Variants in ELP3 observed in about 807,000 individuals in gnomAD.
ELP3 encodes elongator complex protein 3.
ELP3 carries 56 observed loss-of-function variants against 74.9 expected under a neutral mutation model. That is an observed-to-expected ratio of 0.75 (90% CI 0.60 to 0.93). ELP3 has a LOEUF of 0.93. Among genes scored for constraint, ELP3 ranks in the 40% least tolerant of loss-of-function variants. The probability of loss-of-function intolerance (pLI) is 0.00; values close to 1 mark genes in which losing one functional copy is unlikely to be tolerated. For missense variants in ELP3, 573 were observed against 686.5 expected (o/e 0.83, Z 1.85); for synonymous variants, 222 against 239.8 (o/e 0.93, Z 0.68).
chr8:28,106,322 C>T (rs1314234865), intron 3 of ELP3, among the ~76,000 whole-genome samples: 1 of 151,814 alleles, frequency 6.6e-6, no homozygotes, highest in Non-Finnish European at 1.5e-5. Flanking sequence ...GGGCGGATCA[C>T]GAGGTCAGGA....
intron 9 of ELP3, among the ~76,000 whole-genome samples, chr8:28,134,237 C>T (rs1180127990): frequency 6.6e-6 from 1 of 152,138 alleles, no homozygotes. Flanking sequence ...TTAAGTGCTC[C>T]TGAAAAATAT....
At chr8:28,137,659 T>A (rs1293329989) in intron 9 of ELP3, 39 bp from the exon 10 acceptor site, 3 of 1,594,514 alleles carry the variant, frequency 1.9e-6, no homozygotes, top group Non-Finnish European at 2.6e-6. Flanking sequence ...GATCTCTGCA[T>A]AACTAATGGA....
rs886435550 is a variant in ELP3 at position 28,162,133 on chromosome 8, C to G, written c.1567+55C>G. The G allele has an allele frequency of 6.9e-5, 107 of 1,561,622 alleles. 2 individuals are homozygous for G. The Middle Eastern group carries it at 6.7e-3, about 98-fold the overall frequency. ...CCTTCCCATTTTGAACTTGGCACCACAGTGAAAACTATGTTGGTACCCTCT... is the reference window on the plus strand; with the variant it reads ...CCTTCCCATTTTGAACTTGGCACCAGAGTGAAAACTATGTTGGTACCCTCT... On this transcript the variant is annotated intron_variant, in intron 14 of 14. Coordinates refer to ENST00000256398, the MANE Select transcript of ELP3 (RefSeq NM_018091.6).
intron 12 of ELP3, among the ~76,000 whole-genome samples, chr8:28,159,607 C>G (rs919059403): frequency 7.2e-5 from 11 of 152,272 alleles, no homozygotes; most frequent in African/African-American, 2.6e-4. Context: ...AGCTGAAGAG[C>G]CAAAAGCCTG....
At chr8:28,113,601 A>ATCTTAG (rs1382054728) in intron 7 of ELP3, 2 of 152,738 alleles carry the variant, frequency 1.3e-5, no homozygotes, top group East Asian at 3.8e-4. Flanking sequence ...TATGATTGGG[A>ATCTTAG]TCTTAGTCTG....
At chr8:28,108,327 C>T (rs1356793620) in intron 5 of ELP3, among the ~76,000 whole-genome samples, 1 of 152,172 alleles carries the variant, frequency 6.6e-6, no homozygotes, top group Non-Finnish European at 1.5e-5. Flanking sequence ...ACAGCTGGCC[C>T]AAAGACACAC....
Position 28,160,326 on chromosome 8 carries a change from G to T in ELP3, c.1355G>T (p.Arg452Leu). 1.2e-6 allele frequency: 2 copies of T among 1,614,144 alleles called. No individual in the cohort carries two copies. Among genetic ancestry groups the T allele is most frequent in the Non-Finnish European group, 1.7e-6 (2 of 1,180,016 alleles). ...CAAGACATTTTGATTGGCCTCCTACGATTACGCAAGTGTTCAGAAGAAACT... is the reference window on the plus strand; with the variant it reads ...CAAGACATTTTGATTGGCCTCCTACTATTACGCAAGTGTTCAGAAGAAACT... ...PDQDILIGLL[R>L]LRKCSEETFR... The change falls in exon 13 of 15, where the codon CGA (arginine) becomes CTA (leucine). Residue 452 changes from arginine to leucine, a missense_variant. Physicochemically the swap from Arg to Leu is moderately radical, Grantham distance 102. Coordinates refer to ENST00000256398, the MANE Select transcript of ELP3 (RefSeq NM_018091.6).
chr8:28,094,029 A>C (rs1373472919), intron 1 of ELP3, among the ~76,000 whole-genome samples: 1 of 152,238 alleles, frequency 6.6e-6, no homozygotes, highest in African/African-American at 2.4e-5. Flanking sequence ...AAATAAATAC[A>C]TCGTTAATCC....
intron 5 of ELP3, among the ~76,000 whole-genome samples, chr8:28,109,825 G>A (rs909162001): frequency 2.6e-5 from 4 of 152,146 alleles, no homozygotes; most frequent in African/African-American, 9.7e-5. Context: ...TTGATTTTTG[G>A]ATTAGGGATG....
Position 28,129,596 on chromosome 8 carries a change from T to C in ELP3, c.712T>C (p.Tyr238His). 1 of 1,614,222 alleles carries C rather than the reference T, an allele frequency of 6.2e-7. No individual in the cohort carries two copies. The highest frequency in any genetic ancestry group is 8.5e-7 in the Non-Finnish European group (1 of 1,180,018). ...MKRHLSDMLTYGCTRLEIGVQ... is the reference protein window; with the variant it reads ...MKRHLSDMLTHGCTRLEIGVQ... ...GCGACATTTAAGTGACATGTTGACC[T>C]ATGGCTGCACAAGGCTGGAGATTGG... Residue 238 changes from tyrosine to histidine, a missense_variant, in exon 8 of 15, where the codon TAT becomes CAT. Physicochemically the swap from Tyr to His is moderately conservative, Grantham distance 83 (BLOSUM62 2). Transcript: ENST00000256398.
chr8:28,182,852 G>A (rs1010929661), intron 14 of ELP3, among the ~76,000 whole-genome samples: 1 of 152,196 alleles, frequency 6.6e-6, no homozygotes, highest in Admixed American at 6.5e-5. Flanking sequence ...TCATCATGAG[G>A]GGCTTGAGGA....
intron 14 of ELP3, among the ~76,000 whole-genome samples, chr8:28,170,982 C>T (rs1309504650): frequency 2.0e-5 from 3 of 152,174 alleles, no homozygotes; most frequent in African/African-American, 7.2e-5. Flanking sequence ...ACCATAATGT[C>T]TTCAGTGCTC....
At chr8:28,132,219 G>A (rs1812808860) in intron 8 of ELP3, 59 bp from the exon 9 acceptor site, 2 of 1,585,324 alleles carry the variant, frequency 1.3e-6, no homozygotes, top group Non-Finnish European at 1.7e-6. Flanking sequence ...ATTTATTTGT[G>A]TAACAGATGT....
In ELP3 at chr8:28,190,192, G is replaced by C. The variant is rs1224599178; in HGVS notation, c.*467G>C. On this transcript the variant is annotated 3_prime_UTR_variant, in exon 15 of 15. Transcript: ENST00000256398. ...TAATCTCAGCCCTTTAACGACATAC[G>C]CATTGGAGCGCAAGTTAGGAAAATG... is the stretch of plus-strand genomic sequence containing the variant. The C allele has an allele frequency of 6.5e-6, 1 of 154,238 alleles. No individual in the cohort carries two copies. Among genetic ancestry groups the C allele is most frequent in the African/African-American group, 2.4e-5 (1 of 41,452 alleles). 9.6% of individuals were successfully genotyped at this position (154,238 alleles called of 1,614,324 possible).
upstream of ELP3, chr8:28,090,295 G>C (rs756712877): frequency 4.9e-6 from 2 of 408,744 alleles, no homozygotes; most frequent in South Asian, 1.8e-5. Context: ...AGCCCAGGCT[G>C]TTGCTTCCTG....
intron 7 of ELP3, among the ~76,000 whole-genome samples, chr8:28,114,515 CCACACTCTTTTAAA>C (rs1812046402): frequency 6.6e-6 from 1 of 151,238 alleles, no homozygotes. Flanking sequence ...CAGGGAGGTG[CCACACTCTTTTAAA>C]CAACAAATCT....
intron 7 of ELP3, among the ~76,000 whole-genome samples, chr8:28,114,117 T>C (rs920426013): frequency 3.9e-4 from 60 of 151,922 alleles, no homozygotes; most frequent in African/African-American, 1.4e-3. Context: ...ATTTTCCTTA[T>C]TTAACAAATC....
At chr8:28,122,336 C>T (rs1812405738) in intron 7 of ELP3, among the ~76,000 whole-genome samples, 1 of 152,202 alleles carries the variant, frequency 6.6e-6, no homozygotes, top group South Asian at 2.1e-4. Context: ...TGTGTTGTTC[C>T]CTCCCCTGTT....
At chr8:28,158,419 T>C (rs1000018571) in intron 11 of ELP3, 149 bp from the exon 12 acceptor site, 2 of 637,648 alleles carry the variant, frequency 3.1e-6, no homozygotes, top group Non-Finnish European at 2.8e-6. Context: ...TCAGCTCTTT[T>C]ATCTCACTGC....
Sources: allele counts gnomAD v4.1 joint callset (sites outside exome capture counted in the v4.1 genomes callset), GRCh38; gene constraint gnomAD v4.1.1; transcripts MANE v1.5; gene names NCBI Gene and HGNC (gene_info 2026-07-23, HGNC 2026-07-21).